The following THTPA variants were observed in gnomAD, a reference collection of about 807,000 sequenced individuals.
The protein encoded by THTPA is thiamine-triphosphatase.
A neutral mutation model predicts 16.5 loss-of-function variants in THTPA; 16 were observed. That is an observed-to-expected ratio of 0.97 (90% CI 0.66 to 1.47). THTPA has a LOEUF of 1.47. Among genes scored for constraint, THTPA ranks in the 40% most tolerant of loss-of-function variants. The probability of loss-of-function intolerance (pLI) is 0.00; values close to 1 mark genes in which losing one functional copy is unlikely to be tolerated. For synonymous variants in THTPA, 110 were observed against 115.5 expected, an observed-to-expected ratio of 0.95 and a Z score of 0.30; for missense variants, 281 against 280.9, an observed-to-expected ratio of 1.00 and a Z score of 0.00.
At chr14:23,531,637 G>A in the THTPA span, 19 of 1,519,600 alleles carry the variant, frequency 1.3e-5, no homozygotes, top group South Asian at 3.7e-5. Flanking sequence ...ACAGCCAAGC[G>A]GGAGGGTGTC....
the THTPA span, chr14:23,525,744 G>A: frequency 6.6e-7 from 1 of 1,511,850 alleles, no homozygotes; most frequent in Non-Finnish European, 8.8e-7. This position sits in a 1 kb window ranked among gnomAD's most constrained non-coding sequence, Gnocchi z 5.9. Flanking sequence ...GCCTTGGGAG[G>A]TTGGGGTGGA....
upstream of THTPA, chr14:23,555,594 A>C (rs965205923): frequency 6.6e-6 from 1 of 152,032 alleles, no homozygotes; most frequent in Non-Finnish European, 1.5e-5. Flanking sequence ...TCTTACCCTC[A>C]ACGTTCATGC....
the THTPA span, chr14:23,529,893 G>T: frequency 9.3e-7 from 1 of 1,070,288 alleles, no homozygotes; most frequent in South Asian, 1.4e-5. Context: ...GATAGGTGAG[G>T]CTTGGCAAGG....
At chr14:23,532,951 CT>C in the THTPA span, 1 of 1,536,214 alleles carries the variant, frequency 6.5e-7, no homozygotes, top group Admixed American at 2.0e-5. Flanking sequence ...TGCTGAAGGC[CT>C]GGCACACTAG....
chr14:23,529,780 AG>A, the THTPA span: 1 of 1,536,304 alleles, frequency 6.5e-7, no homozygotes, highest in Non-Finnish European at 8.7e-7. Context: ...TGAGGATGAA[AG>A]AAGAGGAGAT....
rs1018802553 is a variant in THTPA at position 23,556,489 on chromosome 14, C to A, written c.-269C>A. 2 of 475,902 alleles carry A rather than the reference C, an allele frequency of 4.2e-6. No homozygotes were observed. Among genetic ancestry groups the A allele is most frequent in the East Asian group, 3.6e-5 (1 of 27,788 alleles). 29.5% of individuals were successfully genotyped at this position (475,902 alleles called of 1,614,324 possible). A position where few individuals can be genotyped will look rare whatever the true frequency, so the allele number is the denominator to read the frequency against. Reference sequence around the variant, plus strand: ...GCTACCCGGCCTGCTTTCTAGGGGTCTCTTTGGATTGAGGACATCAGCAGC... The same window carrying A: ...GCTACCCGGCCTGCTTTCTAGGGGTATCTTTGGATTGAGGACATCAGCAGC... On this transcript the variant is annotated 5_prime_UTR_variant, in exon 1 of 2. Coordinates refer to ENST00000288014, the MANE Select transcript of THTPA (RefSeq NM_024328.6).
At chr14:23,514,800 T>C in the THTPA span, among the ~76,000 whole-genome samples, 5 of 152,152 alleles carry the variant, frequency 3.3e-5, no homozygotes, top group Non-Finnish European at 7.4e-5. Flanking sequence ...TGGCCAGGCA[T>C]TGGGTGGAGC....
At chr14:23,550,972 C>G in the THTPA span, among the ~76,000 whole-genome samples, 2 of 152,072 alleles carry the variant, frequency 1.3e-5, no homozygotes, top group Admixed American at 1.3e-4. Flanking sequence ...CCCCTTCCCC[C>G]CGGGATCCCC....
In THTPA at chr14:23,559,171, C is replaced by T. The variant is rs780907987; in HGVS notation, c.*331C>T. On this transcript the variant is annotated 3_prime_UTR_variant, in exon 2 of 2. Transcript: ENST00000288014. ...CCCTTGCCACCCCCCCTCCCTTGGTCGATGCCATTGATTCTGCCAGCGGCT... is the reference window on the plus strand; with the variant it reads ...CCCTTGCCACCCCCCCTCCCTTGGTTGATGCCATTGATTCTGCCAGCGGCT... 3.6e-6 allele frequency: 1 copy of T among 278,042 alleles called. No homozygotes were observed. The highest frequency in any genetic ancestry group is 8.3e-5 in the East Asian group (1 of 11,996). The allele number at this position is 278,042 out of a possible 1,614,324, so 17.2% of individuals were successfully genotyped here.
At chr14:23,527,512 A>T in the THTPA span, 1 of 1,477,156 alleles carries the variant, frequency 6.8e-7, no homozygotes, top group South Asian at 1.3e-5. Flanking sequence ...CCCCCAACAC[A>T]TGCACCTGCC....
the THTPA span, among the ~76,000 whole-genome samples, chr14:23,519,348 A>G: frequency 7.2e-5 from 11 of 152,124 alleles, no homozygotes; most frequent in African/African-American, 2.4e-4. Flanking sequence ...TCTAACTTTT[A>G]TACACAAGTC....
the THTPA span, chr14:23,534,386 T>A: frequency 6.5e-7 from 1 of 1,536,810 alleles, no homozygotes; most frequent in South Asian, 1.2e-5. The surrounding 1 kb of genome is among the most constrained non-coding windows in gnomAD (Gnocchi z 4.5). Flanking sequence ...TTCGCCTCCA[T>A]GTTCACTGTG....
At chr14:23,558,150 A>G (rs1454303594) in intron 1 of THTPA, among the ~76,000 whole-genome samples, 6 of 152,228 alleles carry the variant, frequency 3.9e-5, no homozygotes, top group African/African-American at 1.4e-4. Context: ...TGTGCCCAGC[A>G]TGCTGCCAGG....
chr14:23,521,666 A>G, the THTPA span: 193 of 386,120 alleles, frequency 5.0e-4, 2 homozygotes, highest in Non-Finnish European at 8.2e-4. Flanking sequence ...GTAGGCAGAC[A>G]TGTATGAATA....
chr14:23,541,441 C>A, the THTPA span, among the ~76,000 whole-genome samples: 21 of 152,070 alleles, frequency 1.4e-4, no homozygotes, highest in Non-Finnish European at 2.6e-4. Flanking sequence ...GCAGGCTCCA[C>A]CACGCCCAGC....
At chr14:23,534,945 C>T in the THTPA span, 104 of 1,536,160 alleles carry the variant, frequency 6.8e-5, no homozygotes, top group African/African-American at 1.3e-3. This position sits in a 1 kb window ranked among gnomAD's most constrained non-coding sequence, Gnocchi z 4.5. Flanking sequence ...GCAGGGACAG[C>T]TTGGCCACTA....
chr14:23,532,978 C>T, the THTPA span: 2 of 1,536,170 alleles, frequency 1.3e-6, no homozygotes, highest in Non-Finnish European at 8.7e-7. Flanking sequence ...GGAACACCTT[C>T]AGGGACAGGC....
chr14:23,559,790 TCTC>T lies in THTPA; in HGVS notation c.*953_*955del, dbSNP rs1163106095. 4 of 1,613,886 alleles carry T rather than the reference TCTC, an allele frequency of 2.5e-6. No individual in the cohort carries two copies. The highest frequency in any genetic ancestry group is 1.3e-5 in the African/African-American group (1 of 74,856). ...ACAGGCAAGTTGTTCACCTCAAAGA[TCTC>T]CTGCACCGACTGGTGAAAGTGGTCG... On this transcript the variant is annotated 3_prime_UTR_variant, in exon 2 of 2. Coordinates refer to ENST00000288014, the MANE Select transcript of THTPA (RefSeq NM_024328.6).
the THTPA span, chr14:23,528,728 ACAC>A: frequency 1.0e-6 from 1 of 985,314 alleles, no homozygotes; most frequent in Non-Finnish European, 1.2e-6. Flanking sequence ...ATGTGAATAA[ACAC>A]CACAGCTCCC....
Sources: gnomAD v4.1 joint callset for allele counts (sites outside exome capture counted in the v4.1 genomes callset) on GRCh38, gnomAD v4.1.1 for gene constraint, Gnocchi (gnomAD v3.1) non-coding constraint, MANE v1.5 for transcripts, NCBI Gene and HGNC (gene_info 2026-07-23, HGNC 2026-07-21) for gene names.